Variants in ADAMTS16 observed in about 807,000 individuals in gnomAD.
ADAMTS16 encodes the protein A disintegrin and metalloproteinase with thrombospondin motifs 16.
A neutral mutation model predicts 145.8 loss-of-function variants in ADAMTS16; 94 were observed. The ratio of observed to expected loss-of-function variants is 0.64; its 90% CI spans 0.55 to 0.77. ADAMTS16 has a LOEUF of 0.77. Ranked by LOEUF, ADAMTS16 falls within the 30% of genes least tolerant of loss-of-function variation. The pLI is 0.00. For missense variants in ADAMTS16, 1,585 were observed against 1,591.5 expected (o/e 1.00, Z 0.07); for synonymous variants, 659 against 604.3 (o/e 1.09, Z -1.33).
At chr5:5,307,569 T>C (rs73023589) in intron 21 of ADAMTS16, among the ~76,000 whole-genome samples, 1,686 of 152,300 alleles carry the variant, frequency 0.011, 32 homozygotes, top group African/African-American at 0.038. Flanking sequence ...CCCATCTCCA[T>C]GTGGGTCCCT....
intron 8 of ADAMTS16, among the ~76,000 whole-genome samples, chr5:5,193,162 T>C (rs201718090): frequency 3.8e-3 from 410 of 107,062 alleles, no homozygotes; most frequent in African/African-American, 0.011. Flanking sequence ...TGTGTGTGTG[T>C]GCGCGCGCGC....
chr5:5,180,460 G>A (rs1376231832), intron 3 of ADAMTS16, among the ~76,000 whole-genome samples: 1 of 152,168 alleles, frequency 6.6e-6, no homozygotes, highest in Non-Finnish European at 1.5e-5. Flanking sequence ...GCACAGACCT[G>A]AACTTGAGTA....
chr5:5,143,805 A>G (rs570055605), intron 2 of ADAMTS16, among the ~76,000 whole-genome samples: 42 of 152,324 alleles, frequency 2.8e-4, no homozygotes, highest in Admixed American at 2.7e-3. Flanking sequence ...AGCCATAAAA[A>G]AAGAATGAGT....
In ADAMTS16 at chr5:5,155,717, G is replaced by A. The variant is rs534982191; in HGVS notation, c.501+9262G>A. Among the ~76,000 whole-genome samples the A allele has an allele frequency of 2.6e-5, 4 of 152,208 alleles. No homozygotes were observed. The East Asian group carries it at 7.8e-4, about 30-fold the overall frequency. On this transcript the variant is annotated intron_variant, in intron 3 of 22. Transcript: ENST00000274181. ...ACTGGAATGATCTGCCACAGCAAGGGTGAAGTGAGAATGACAGGAACAGGA... is the reference window on the plus strand; with the variant it reads ...ACTGGAATGATCTGCCACAGCAAGGATGAAGTGAGAATGACAGGAACAGGA...
At chr5:5,303,841 C>G (rs1739905793) in intron 20 of ADAMTS16, 75 bp downstream of exon 20, 1 of 1,498,066 alleles carries the variant, frequency 6.7e-7, no homozygotes. Context: ...CCTGGTTTTT[C>G]TCTTCTCACT....
Position 5,318,224 on chromosome 5 carries a change from A to C in ADAMTS16, c.3502A>C (p.Lys1168Gln), listed in dbSNP as rs761569351. ...GGCCTCAGGCTGCCTCCTGCACCAG[A>C]AGCCTTCGGCCTCCCTGGCCTGCAA... ...RPASGCLLHQ[K>Q]PSASLACNTH... Residue 1168 changes from lysine to glutamine, a missense_variant, in exon 22 of 23, where the codon AAG becomes CAG. Coordinates refer to ENST00000274181, the MANE Select transcript of ADAMTS16 (RefSeq NM_139056.4). The C allele has an allele frequency of 6.4e-7, 1 of 1,569,162 alleles. No homozygotes were observed. Among genetic ancestry groups the C allele is most frequent in the Non-Finnish European group, 8.7e-7 (1 of 1,152,766 alleles).
intron 22 of ADAMTS16, 89 bp downstream of exon 22, chr5:5,318,370 G>C: frequency 8.0e-7 from 1 of 1,251,134 alleles, no homozygotes. Context: ...CTGGAGTTAG[G>C]GTCTTGCGTC....
chr5:5,296,041 A>G (rs1392812408), intron 18 of ADAMTS16, among the ~76,000 whole-genome samples: 1 of 152,190 alleles, frequency 6.6e-6, no homozygotes, highest in Non-Finnish European at 1.5e-5. Context: ...GAACGTTAAT[A>G]TTGGAGACCA....
intron 18 of ADAMTS16, among the ~76,000 whole-genome samples, chr5:5,300,371 A>T (rs957626256): frequency 6.6e-6 from 1 of 152,128 alleles, no homozygotes; most frequent in Non-Finnish European, 1.5e-5. Flanking sequence ...TATGTAATTT[A>T]GGTGGCTTAA....
rs368796186 is a variant in ADAMTS16 at position 5,190,138 on chromosome 5, C to G, written c.1207+8C>G. The G allele has an allele frequency of 1.9e-5, 30 of 1,579,902 alleles. No individual in the cohort carries two copies. Among genetic ancestry groups the G allele is most frequent in the Non-Finnish European group, 2.5e-5 (29 of 1,162,878 alleles). The stretch of plus-strand genomic sequence containing the variant: ...AGCCCTGTGACACTTTGGGTGAGAA[C>G]CTCCAGCAGAGTGTGAGGACCGTGT... On this transcript the variant is annotated splice_region_variant and intron_variant, in intron 7 of 22. Transcript: ENST00000274181.
chr5:5,174,902 G>A (rs1270182624), intron 3 of ADAMTS16, among the ~76,000 whole-genome samples: 1 of 152,136 alleles, frequency 6.6e-6, no homozygotes. Context: ...GGTGAATGCT[G>A]CCAGGACTGA....
chr5:5,295,687 C>G (rs910038601), intron 18 of ADAMTS16, among the ~76,000 whole-genome samples: 4 of 152,186 alleles, frequency 2.6e-5, no homozygotes, highest in Non-Finnish European at 4.4e-5. Context: ...AGGGAGGAGC[C>G]CATCCAGGCA....
intron 18 of ADAMTS16, among the ~76,000 whole-genome samples, chr5:5,291,909 A>G (rs2126490578): frequency 6.6e-6 from 1 of 152,346 alleles, no homozygotes; most frequent in East Asian, 1.9e-4. Flanking sequence ...ATAGCTCTGT[A>G]TATGTGAATT....
chr5:5,227,324 A>T (rs1293243262), intron 11 of ADAMTS16, among the ~76,000 whole-genome samples: 1 of 152,244 alleles, frequency 6.6e-6, no homozygotes. Flanking sequence ...TTACTCTCTA[A>T]GATAAAGCCT....
intron 18 of ADAMTS16, among the ~76,000 whole-genome samples, chr5:5,299,109 G>A (rs897954818): frequency 3.3e-5 from 5 of 152,198 alleles, no homozygotes; most frequent in African/African-American, 7.2e-5. Flanking sequence ...GGTTTGTGTC[G>A]TGACAAGGTT....
At chr5:5,291,538 G>A (rs567133352) in intron 18 of ADAMTS16, among the ~76,000 whole-genome samples, 7 of 152,304 alleles carry the variant, frequency 4.6e-5, no homozygotes, top group South Asian at 2.1e-4. Flanking sequence ...TCCCCTTTGC[G>A]GAGGAGAGAA....
Position 5,303,606 on chromosome 5 carries a change from G to A in ADAMTS16, c.3026G>A (p.Arg1009Gln), listed in dbSNP as rs574652207. The stretch of plus-strand genomic sequence containing the variant: ...ACCTGTGGGAAGGGGTGGAGGAAGC[G>A]GGCAGTGGCCTGTAAGAGCACCAAC... ...SHTCGKGWRK[R>Q]AVACKSTNPS... Residue 1009 changes from arginine to glutamine, a missense_variant, in exon 20 of 23, where the codon CGG becomes CAG. Transcript: ENST00000274181. 2.0e-4 allele frequency: 315 copies of A among 1,614,144 alleles called. 2 individuals carry two copies. The highest frequency in any genetic ancestry group is 1.2e-3 in the South Asian group (108 of 91,084).
chr5:5,145,946 T>C (rs1265115143), intron 2 of ADAMTS16, among the ~76,000 whole-genome samples, 184 bp from the exon 3 acceptor site: 1 of 152,218 alleles, frequency 6.6e-6, no homozygotes, highest in Non-Finnish European at 1.5e-5. Flanking sequence ...ACAATTTTTT[T>C]CTTTAAACTG....
At chr5:5,213,650 G>A (rs1736337006) in intron 10 of ADAMTS16, among the ~76,000 whole-genome samples, 1 of 152,120 alleles carries the variant, frequency 6.6e-6, no homozygotes, top group Non-Finnish European at 1.5e-5. Context: ...GCCCTGTGGT[G>A]TAGCCGGTAC....
Sources: allele counts gnomAD v4.1 joint callset (sites outside exome capture counted in the v4.1 genomes callset), GRCh38; gene constraint gnomAD v4.1.1; transcripts MANE v1.5; gene names NCBI Gene and HGNC (gene_info 2026-07-23, HGNC 2026-07-21).